SCAI: variants seen among roughly 807,000 people sequenced by gnomAD.
The protein encoded by SCAI is suppressor of cancer cell invasion, also known as protein SCAI.
A neutral mutation model predicts 92.2 loss-of-function variants in SCAI; 24 were observed. The ratio of observed to expected loss-of-function variants is 0.26; its 90% confidence interval spans 0.19 to 0.37. The LOEUF (loss-of-function observed/expected upper bound fraction) is 0.37, where lower values mean the gene tolerates loss of function less well. Among genes scored for constraint, SCAI ranks in the 10% least tolerant of loss-of-function variants. The pLI is 1.00. For synonymous variants in SCAI, 261 were observed against 258.6 expected (o/e 1.01, Z -0.09); for missense variants, 450 against 736.2 (o/e 0.61, Z 4.50).
At position 125,029,746 on chromosome 9, in the gene SCAI, T is replaced by C. The variant is rs550719170; in HGVS notation, c.231-7A>G. On this transcript the variant is annotated splice_polypyrimidine_tract_variant and splice_region_variant and intron_variant, in intron 3 of 17. Transcript: ENST00000336505. ...TCCATATTGTGGCAAATCTCTGTAA[T>C]AGTAAATGAGTATGTATTAATATTA... The C allele has an allele frequency of 9.1e-6, 14 of 1,545,582 alleles. No individual in the cohort carries two copies. Among genetic ancestry groups the C allele is most frequent in the South Asian group, 3.4e-5 (3 of 87,636 alleles).
intron 15 of SCAI, among the ~76,000 whole-genome samples, chr9:124,972,936 A>T (rs1831688291): frequency 6.6e-6 from 1 of 152,200 alleles, no homozygotes; most frequent in African/African-American, 2.4e-5. Context: ...ATGCTCTTTC[A>T]TGCTACTCTC....
chr9:124,996,045 T>C (rs1382855891), intron 13 of SCAI, among the ~76,000 whole-genome samples: 2 of 152,162 alleles, frequency 1.3e-5, no homozygotes, highest in Non-Finnish European at 2.9e-5. Flanking sequence ...TCAAACTTCA[T>C]TATATTTCAA....
At chr9:124,968,626 C>T in intron 17 of SCAI, 1 of 964,312 alleles carries the variant, frequency 1.0e-6, no homozygotes, top group South Asian at 1.3e-5. Flanking sequence ...TCCAGTGATT[C>T]CTCCGCTAGT....
At chr9:125,058,248 T>C (rs943727509) in intron 2 of SCAI, among the ~76,000 whole-genome samples, 6 of 152,062 alleles carry the variant, frequency 3.9e-5, no homozygotes, top group African/African-American at 1.4e-4. Context: ...GTACAGTGGC[T>C]CATGCCTGTA....
chr9:124,965,525 G>T (rs1422609735), intron 17 of SCAI, among the ~76,000 whole-genome samples: 2 of 152,180 alleles, frequency 1.3e-5, no homozygotes, highest in Non-Finnish European at 2.9e-5. Flanking sequence ...GTGAGCTACT[G>T]TGCCCGGCCT....
chr9:125,051,215 G>A (rs923354488), intron 3 of SCAI, among the ~76,000 whole-genome samples: 3 of 151,390 alleles, frequency 2.0e-5, no homozygotes, highest in Non-Finnish European at 4.4e-5. Flanking sequence ...TAGAGATGGG[G>A]TTTCACCATG....
At chr9:125,048,903 G>A (rs140103116) in intron 3 of SCAI, among the ~76,000 whole-genome samples, 4,051 of 151,542 alleles carry the variant, frequency 0.027, 198 homozygotes, top group African/African-American at 0.091. Flanking sequence ...GTGACACCAC[G>A]CCCGGCTAAT....
chr9:124,997,603 C>T (rs984073936), intron 13 of SCAI, among the ~76,000 whole-genome samples: 1 of 152,142 alleles, frequency 6.6e-6, no homozygotes, highest in Admixed American at 6.5e-5. Flanking sequence ...ACTCCAGGCA[C>T]GGTGGCTCAC....
chr9:124,973,977 C>A (rs1365018987), intron 15 of SCAI, among the ~76,000 whole-genome samples: 1 of 152,198 alleles, frequency 6.6e-6, no homozygotes, highest in Non-Finnish European at 1.5e-5. Flanking sequence ...CCACGTTAGA[C>A]ATTATCTCAT....
In SCAI at chr9:125,086,118, GC is replaced by G. The variant is rs528394599; in HGVS notation, c.99-30112del. 3.3e-3 allele frequency among the ~76,000 whole-genome samples: 504 copies of G among 152,214 alleles called. 3 individuals carry two copies. Among genetic ancestry groups the G allele is most frequent in the Non-Finnish European group, 5.8e-3 (394 of 68,000 alleles). ...TTTTTCTGAACTCTTAAAATACTTT[GC>G]TTATATAGTTCAATTGCCGTATATC... On this transcript the variant is annotated intron_variant, in intron 2 of 17. Coordinates refer to ENST00000336505, the MANE Select transcript of SCAI (RefSeq NM_001144877.3).
intron 2 of SCAI, among the ~76,000 whole-genome samples, chr9:125,114,214 GTCACA>G (rs1834991095): frequency 6.6e-6 from 1 of 152,138 alleles, no homozygotes; most frequent in African/African-American, 2.4e-5. Flanking sequence ...TTTCAATAAT[GTCACA>G]TCTTGGTGAA....
chr9:125,126,206 T>C (rs886152632), intron 2 of SCAI, among the ~76,000 whole-genome samples: 1 of 152,222 alleles, frequency 6.6e-6, no homozygotes. Context: ...GTCATGTGGC[T>C]GCCAGCAGGC....
chr9:125,028,378 T>C lies in SCAI; in HGVS notation c.413+14A>G. On this transcript the variant is annotated intron_variant, in intron 5 of 17. Coordinates refer to ENST00000336505, the MANE Select transcript of SCAI (RefSeq NM_001144877.3). ...CAGACAACACTTTACTCTTTCCATG[T>C]GTAATTTACTTACTAATAATGATAG... The C allele has an allele frequency of 2.8e-6, 4 of 1,407,250 alleles. No homozygotes were observed. The highest frequency in any genetic ancestry group is 3.0e-6 in the Non-Finnish European group (3 of 1,000,032). 87.2% of individuals were successfully genotyped at this position (1,407,250 alleles called of 1,614,324 possible). A position where few individuals can be genotyped will look rare whatever the true frequency, so the allele number is the denominator to read the frequency against.
In SCAI at chr9:125,022,727, C is replaced by G. The variant is rs528079343; in HGVS notation, c.513-1958G>C. Among the ~76,000 whole-genome samples, 7 of 152,266 alleles carry G rather than the reference C, an allele frequency of 4.6e-5. No individual in the cohort carries two copies. The South Asian group carries it at 1.2e-3, about 27-fold the overall frequency. ...GTCACCGCTCTTGGCCTCGAAGAGT[C>G]TCTTAAAAACAGTATATTATTGGGT... On this transcript the variant is annotated intron_variant, in intron 6 of 17. Coordinates refer to ENST00000336505, the MANE Select transcript of SCAI (RefSeq NM_001144877.3).
intron 2 of SCAI, among the ~76,000 whole-genome samples, chr9:125,130,565 G>A (rs1835376949): frequency 6.6e-6 from 1 of 151,884 alleles, no homozygotes; most frequent in Admixed American, 6.6e-5. Flanking sequence ...CCAGGCTGGA[G>A]TGCAGTGGCA....
chr9:125,072,374 CTG>C (rs1474395476), intron 2 of SCAI, among the ~76,000 whole-genome samples: 1 of 152,064 alleles, frequency 6.6e-6, no homozygotes, highest in Non-Finnish European at 1.5e-5. Context: ...ACTCAAGTAA[CTG>C]TAGTAAGAAT....
At chr9:125,123,723 C>T (rs1476346667) in intron 2 of SCAI, among the ~76,000 whole-genome samples, 3 of 151,968 alleles carry the variant, frequency 2.0e-5, no homozygotes, top group Admixed American at 2.0e-4. Context: ...TGCAGTGAGC[C>T]GAGATCACGC....
rs1016275871 is a variant in SCAI at position 125,099,288 on chromosome 9, CT to C, written c.99-43282del. ...TGTTATGAAAGAAATCACTTTTTATCTTTTTTTTTTTTTTGAGACAGTATCT... is the reference window on the plus strand; with the variant it reads ...TGTTATGAAAGAAATCACTTTTTATCTTTTTTTTTTTTTGAGACAGTATCT... On this transcript the variant is annotated intron_variant, in intron 2 of 17. Coordinates refer to ENST00000336505, the MANE Select transcript of SCAI (RefSeq NM_001144877.3). Among the ~76,000 whole-genome samples the C allele has an allele frequency of 3.4e-3, 491 of 143,406 alleles. 1 individual carries two copies. Among genetic ancestry groups the C allele is most frequent in the Middle Eastern group, 7.3e-3 (2 of 274 alleles). The allele number at this position is 143,406 out of a possible 152,430, so 94.1% of individuals were successfully genotyped here.
intron 3 of SCAI, among the ~76,000 whole-genome samples, chr9:125,037,545 G>A (rs905933833): frequency 6.6e-6 from 1 of 152,032 alleles, no homozygotes; most frequent in African/African-American, 2.4e-5. Flanking sequence ...TATTTGTTTT[G>A]TCACCTTAAA....
Sources: gnomAD v4.1 joint callset for allele counts (sites outside exome capture counted in the v4.1 genomes callset) on GRCh38, gnomAD v4.1.1 for gene constraint, MANE v1.5 for transcripts, NCBI Gene and HGNC (gene_info 2026-07-23, HGNC 2026-07-21) for gene names.